MAP4K4: variants seen among roughly 807,000 people sequenced by gnomAD.
MAP4K4 encodes HPK/GCK-like kinase HGK.
In MAP4K4, 38 loss-of-function variants were observed where a neutral mutation model predicts 189.6. The observed-to-expected ratio is 0.20, with a 90% CI of 0.15 to 0.26. The LOEUF (loss-of-function observed/expected upper bound fraction) is 0.26, where lower values mean the gene tolerates loss of function less well. Ranked by LOEUF, MAP4K4 falls within the 10% of genes least tolerant of loss-of-function variation. The probability of loss-of-function intolerance (pLI) is 1.00; values close to 1 mark genes in which losing one functional copy is unlikely to be tolerated. For synonymous variants in MAP4K4, 610 were observed against 624.3 expected (o/e 0.98, Z 0.34); for missense variants, 1,054 against 1,726.9 (o/e 0.61, Z 6.91).
chr2:101,704,786 G>C (rs1043165046), intron 2 of MAP4K4, among the ~76,000 whole-genome samples: 1 of 151,316 alleles, frequency 6.6e-6, no homozygotes. Flanking sequence ...TCTCGAACTC[G>C]AGTCAGGGTA....
chr2:101,805,808 A>G (rs2094871128), intron 3 of MAP4K4, among the ~76,000 whole-genome samples: 1 of 152,332 alleles, frequency 6.6e-6, no homozygotes. Context: ...CAGCTTTCCC[A>G]GCTGCTACAG....
intron 21 of MAP4K4, among the ~76,000 whole-genome samples, chr2:101,869,150 C>T (rs780251829): frequency 1.3e-5 from 2 of 151,666 alleles, no homozygotes; most frequent in Non-Finnish European, 2.9e-5. Flanking sequence ...TAAACCTTAG[C>T]GCTTTGAAGT....
chr2:101,717,419 T>TAGA (rs2048989181), intron 2 of MAP4K4, among the ~76,000 whole-genome samples: 1 of 152,254 alleles, frequency 6.6e-6, no homozygotes, highest in Non-Finnish European at 1.5e-5. Context: ...TTTTAGTTCT[T>TAGA]AGCACCAATA....
chr2:101,785,720 CTCTCTCTCTCTCTCTCTCT>C (rs2090575963), intron 2 of MAP4K4, among the ~76,000 whole-genome samples: 2 of 7,226 alleles, frequency 2.8e-4, no homozygotes, highest in Non-Finnish European at 2.2e-4. Context: ...CTCTCTCTCT[CTCTCTCTCTCTCTCTCTCT>C]CTCTCTCTCT....
At chr2:101,757,919 A>T (rs1409243151) in intron 2 of MAP4K4, among the ~76,000 whole-genome samples, 1 of 152,120 alleles carries the variant, frequency 6.6e-6, no homozygotes, top group African/African-American at 2.4e-5. Flanking sequence ...CAGCTACTTG[A>T]GAGGCTGAGG....
chr2:101,887,303 C>T, intron 30 of MAP4K4, 66 bp downstream of exon 30: 1 of 1,518,122 alleles, frequency 6.6e-7, no homozygotes, highest in Non-Finnish European at 8.9e-7. Flanking sequence ...TTCTTCTTTA[C>T]TCTGCTTAGT....
intron 2 of MAP4K4, among the ~76,000 whole-genome samples, chr2:101,718,583 G>C (rs2049864380): frequency 1.6e-5 from 2 of 122,818 alleles, no homozygotes. Flanking sequence ...GGGGGTGGGG[G>C]GGAGTGGAAG....
At chr2:101,766,642 T>C (rs2078741811) in intron 2 of MAP4K4, among the ~76,000 whole-genome samples, 1 of 152,160 alleles carries the variant, frequency 6.6e-6, no homozygotes, top group Non-Finnish European at 1.5e-5. Context: ...AAGTTTTCTT[T>C]AACAAAAGTT....
At chr2:101,773,128 G>A (rs2082275763) in intron 2 of MAP4K4, among the ~76,000 whole-genome samples, 1 of 152,168 alleles carries the variant, frequency 6.6e-6, no homozygotes, top group South Asian at 2.1e-4. Context: ...ATGGACCCCA[G>A]CACTTCTTCC....
At chr2:101,711,303 T>C (rs1573986232) in intron 2 of MAP4K4, among the ~76,000 whole-genome samples, 1 of 152,186 alleles carries the variant, frequency 6.6e-6, no homozygotes, top group East Asian at 1.9e-4. Context: ...AAGATAAAGT[T>C]TTTTTGCTTT....
chr2:101,833,856 T>C (rs1367940807), intron 7 of MAP4K4, among the ~76,000 whole-genome samples: 2 of 152,012 alleles, frequency 1.3e-5, no homozygotes, highest in African/African-American at 2.4e-5. Context: ...GCAGGTAGGG[T>C]GGGGATGCTT....
At chr2:101,721,498 C>T (rs1252934314) in intron 2 of MAP4K4, among the ~76,000 whole-genome samples, 2 of 149,080 alleles carry the variant, frequency 1.3e-5, no homozygotes, top group Non-Finnish European at 3.0e-5. Context: ...TGCGGTGGCG[C>T]GATCTCGGCT....
chr2:101,862,956 G>A (rs538611733), intron 16 of MAP4K4, among the ~76,000 whole-genome samples: 1 of 152,100 alleles, frequency 6.6e-6, no homozygotes, highest in Non-Finnish European at 1.5e-5. Flanking sequence ...CATTTTTTCA[G>A]TTGCCATATT....
chr2:101,790,690 G>T, intron 2 of MAP4K4, 30 bp from the exon 3 acceptor site: 1 of 1,571,284 alleles, frequency 6.4e-7, no homozygotes, highest in African/African-American at 1.3e-5. Flanking sequence ...AATTGGTGCT[G>T]ATTTTTGATC....
chr2:101,756,846 C>T (rs1385234768), intron 2 of MAP4K4, among the ~76,000 whole-genome samples: 8 of 150,980 alleles, frequency 5.3e-5, no homozygotes, highest in Admixed American at 3.3e-4. Flanking sequence ...GGATTATAGG[C>T]GTGAGCTGCT....
intron 12 of MAP4K4, among the ~76,000 whole-genome samples, chr2:101,851,383 A>G (rs1490638269): frequency 6.6e-6 from 1 of 152,342 alleles, no homozygotes; most frequent in East Asian, 1.9e-4. Flanking sequence ...CTGAAGAAGC[A>G]TGTTCATTAA....
At chr2:101,731,785 T>G (rs1200717222) in intron 2 of MAP4K4, among the ~76,000 whole-genome samples, 1 of 146,998 alleles carries the variant, frequency 6.8e-6, no homozygotes, top group East Asian at 2.0e-4. Flanking sequence ...AGGGGAGGGG[T>G]AGGGGAAAAT....
At chr2:101,814,406 T>C (rs940860172) in intron 3 of MAP4K4, among the ~76,000 whole-genome samples, 1 of 152,200 alleles carries the variant, frequency 6.6e-6, no homozygotes, top group Non-Finnish European at 1.5e-5. Context: ...TCATATGTGG[T>C]TCCCATGAGG....
chr2:101,757,953 A>AGATGGAGGTTGCAGT (rs1351264116), intron 2 of MAP4K4, among the ~76,000 whole-genome samples: 7 of 152,234 alleles, frequency 4.6e-5, no homozygotes, highest in African/African-American at 1.7e-4. Flanking sequence ...TGAACCTGGG[A>AGATGGAGGTTGCAGT]GATGGAGGTT....
Sources: allele counts gnomAD v4.1 joint callset (sites outside exome capture counted in the v4.1 genomes callset), GRCh38; gene constraint gnomAD v4.1.1; transcripts MANE v1.5; gene names NCBI Gene and HGNC (gene_info 2026-07-23, HGNC 2026-07-21).